Variants in NRXN3 observed in about 807,000 individuals in gnomAD.
NRXN3 encodes neurexin 3, also known as neurexin III.
Under a neutral mutation model 137.6 loss-of-function variants are expected in NRXN3, and 32 were observed. The observed-to-expected ratio is 0.23, with a 90% confidence interval of 0.18 to 0.31. The LOEUF (loss-of-function observed/expected upper bound fraction) is 0.31. Among genes scored for constraint, NRXN3 ranks in the 10% least tolerant of loss-of-function variants. The probability of loss-of-function intolerance (pLI) is 1.00; values close to 1 mark genes in which losing one functional copy is unlikely to be tolerated. For missense variants in NRXN3, 1,574 were observed against 2,062.5 expected (o/e 0.76, Z 4.59); for synonymous variants, 798 against 784.5 (o/e 1.02, Z -0.29).
In NRXN3 at chr14:79,376,261, TATATAC is replaced by T. The variant is rs1425792731; in HGVS notation, c.3263-90958_3263-90953del. 1.6e-3 allele frequency among the ~76,000 whole-genome samples: 85 copies of T among 53,814 alleles called. 3 individuals are homozygous for T. Among genetic ancestry groups the T allele is most frequent in the African/African-American group, 3.4e-3 (63 of 18,778 alleles). The allele number at this position is 53,814 out of a possible 152,430, so 35.3% of individuals were successfully genotyped here. ...ATATATATATATATATATATATATA[TATATAC>T]ACATACATATGACTCCAAAAACAAT... On this transcript the variant is annotated intron_variant, in intron 15 of 20. Transcript: ENST00000335750.
intron 15 of NRXN3, among the ~76,000 whole-genome samples, chr14:78,990,018 A>T (rs902748647): frequency 3.3e-5 from 5 of 151,938 alleles, no homozygotes; most frequent in African/African-American, 1.2e-4. Flanking sequence ...TTTTATCAAG[A>T]GCAGATTGTG....
chr14:78,207,211 A>G (rs2062284428), intron 1 of NRXN3, among the ~76,000 whole-genome samples: 1 of 152,132 alleles, frequency 6.6e-6, no homozygotes, highest in African/African-American at 2.4e-5. Flanking sequence ...ACAGATCTAC[A>G]GGGTGTGTTT....
At chr14:79,550,967 A>G (rs2097367547) in intron 16 of NRXN3, among the ~76,000 whole-genome samples, 1 of 152,236 alleles carries the variant, frequency 6.6e-6, no homozygotes, top group Non-Finnish European at 1.5e-5. Flanking sequence ...AGTGGAGGTT[A>G]ATTCAGAGCC....
intron 15 of NRXN3, among the ~76,000 whole-genome samples, chr14:79,172,414 T>G: frequency 6.6e-6 from 1 of 152,200 alleles, no homozygotes; most frequent in East Asian, 1.9e-4. Flanking sequence ...TTAACAATTT[T>G]GAATATCTCT....
At chr14:79,031,081 A>G (rs1021652557) in intron 15 of NRXN3, among the ~76,000 whole-genome samples, 12 of 152,074 alleles carry the variant, frequency 7.9e-5, no homozygotes, top group African/African-American at 2.7e-4. Context: ...TTAAGTTTCT[A>G]TCAAGATCTC....
intron 10 of NRXN3, among the ~76,000 whole-genome samples, chr14:78,945,159 T>G (rs1052773958): frequency 6.6e-6 from 1 of 152,204 alleles, no homozygotes; most frequent in Admixed American, 6.5e-5. Context: ...CCAAACTACA[T>G]GCTTCTAAAC....
chr14:78,309,397 G>A (rs2077718743), intron 4 of NRXN3, among the ~76,000 whole-genome samples: 1 of 151,592 alleles, frequency 6.6e-6, no homozygotes, highest in Non-Finnish European at 1.5e-5. Context: ...TTGTCACCCA[G>A]GTAATAAGCA....
intron 15 of NRXN3, among the ~76,000 whole-genome samples, chr14:79,213,699 C>T (rs907972161): frequency 3.3e-5 from 5 of 151,938 alleles, no homozygotes; most frequent in African/African-American, 1.2e-4. Flanking sequence ...ATTTATTTGC[C>T]TTTCCGGGCC....
At chr14:78,447,398 A>C (rs1305488758) in intron 4 of NRXN3, among the ~76,000 whole-genome samples, 1 of 152,266 alleles carries the variant, frequency 6.6e-6, no homozygotes, top group East Asian at 1.9e-4. Flanking sequence ...CATATAATGC[A>C]GCATGCAGGA....
At chr14:78,400,767 G>C (rs936248174) in intron 4 of NRXN3, among the ~76,000 whole-genome samples, 2 of 152,246 alleles carry the variant, frequency 1.3e-5, no homozygotes, top group Admixed American at 6.5e-5. Flanking sequence ...CTGCCTGGCT[G>C]GGTGTATGCA....
intron 15 of NRXN3, among the ~76,000 whole-genome samples, chr14:79,206,520 G>A (rs1009778020): frequency 6.6e-6 from 1 of 152,212 alleles, no homozygotes; most frequent in African/African-American, 2.4e-5. Context: ...GACAGGTGGT[G>A]AGAATTCCAT....
chr14:78,929,619 C>T (rs1387915150), intron 10 of NRXN3, among the ~76,000 whole-genome samples: 1 of 152,096 alleles, frequency 6.6e-6, no homozygotes, highest in Non-Finnish European at 1.5e-5. Flanking sequence ...GGGTTGATTC[C>T]ATGACTTTGC....
At chr14:79,382,985 G>T (rs542158327) in intron 15 of NRXN3, among the ~76,000 whole-genome samples, 1 of 151,620 alleles carries the variant, frequency 6.6e-6, no homozygotes, top group East Asian at 1.9e-4. Context: ...AGAGATGAGA[G>T]GTGTGTGGGT....
intron 15 of NRXN3, among the ~76,000 whole-genome samples, chr14:79,202,723 T>C (rs1380678141): frequency 1.3e-5 from 2 of 152,208 alleles, no homozygotes; most frequent in Non-Finnish European, 2.9e-5. Flanking sequence ...TTCCTTTTTA[T>C]GGCTGAGTAG....
intron 16 of NRXN3, among the ~76,000 whole-genome samples, 199 bp downstream of exon 16, chr14:79,467,601 A>G (rs1213332365): frequency 6.6e-6 from 1 of 152,208 alleles, no homozygotes; most frequent in Non-Finnish European, 1.5e-5. Context: ...TTCCCCATGT[A>G]TATAGGGAGG....
chr14:79,223,945 G>A (rs1001430617), intron 15 of NRXN3, among the ~76,000 whole-genome samples: 6 of 151,962 alleles, frequency 3.9e-5, no homozygotes, highest in African/African-American at 1.4e-4. Flanking sequence ...ATGTATGACG[G>A]GGAGGAGGAA....
chr14:79,666,952 G>T (rs2098561016), intron 17 of NRXN3, among the ~76,000 whole-genome samples: 1 of 151,914 alleles, frequency 6.6e-6, no homozygotes, highest in African/African-American at 2.4e-5. Flanking sequence ...TGATATACTA[G>T]ATCGAGGTTT....
chr14:79,231,923 T>C, intron 15 of NRXN3, among the ~76,000 whole-genome samples: 1 of 152,144 alleles, frequency 6.6e-6, no homozygotes, highest in East Asian at 1.9e-4. Context: ...AGAGGGAAGT[T>C]GAGATTTCAA....
At chr14:79,095,385 A>G (rs926951094) in intron 15 of NRXN3, among the ~76,000 whole-genome samples, 1 of 152,120 alleles carries the variant, frequency 6.6e-6, no homozygotes, top group Non-Finnish European at 1.5e-5. Context: ...TATAAATCTA[A>G]ATCTTTCATT....
Sources: allele counts gnomAD v4.1 joint callset (sites outside exome capture counted in the v4.1 genomes callset), GRCh38; gene constraint gnomAD v4.1.1; transcripts MANE v1.5; gene names NCBI Gene and HGNC (gene_info 2026-07-23, HGNC 2026-07-21).